The following PPP1R1C variants were observed in gnomAD, a reference collection of about 807,000 sequenced individuals.
The protein encoded by PPP1R1C is protein phosphatase 1 regulatory inhibitor subunit 1C.
PPP1R1C carries 15 observed loss-of-function variants against 17.4 expected under a neutral mutation model. The observed-to-expected ratio is 0.86, with a 90% confidence interval of 0.58 to 1.33. The LOEUF (loss-of-function observed/expected upper bound fraction) is 1.33, where lower values mean the gene tolerates loss of function less well. Among genes scored for constraint, PPP1R1C ranks in the 40% most tolerant of loss-of-function variants. The probability of loss-of-function intolerance (pLI) is 0.00; values close to 1 mark genes in which losing one functional copy is unlikely to be tolerated. For synonymous variants in PPP1R1C, 35 were observed against 43.1 expected (o/e 0.81, Z 0.73); for missense variants, 143 against 130.0 (o/e 1.10, Z -0.48).
upstream of PPP1R1C, chr2:181,985,736 A>G (rs1685279335): frequency 3.8e-6 from 1 of 265,524 alleles, no homozygotes; most frequent in Admixed American, 4.9e-5. The surrounding 1 kb of genome is among the most constrained non-coding windows in gnomAD (Gnocchi z 4.1). Flanking sequence ...TACAGTGGAT[A>G]GAGCCTTTCT....
At chr2:182,124,314 G>GTTTTTTTTTTTGTTTTTTT (rs1689812959) in intron 5 of PPP1R1C, among the ~76,000 whole-genome samples, 2 of 42,098 alleles carry the variant, frequency 4.8e-5, no homozygotes, top group African/African-American at 6.8e-5. Context: ...GTTTTTTTTT[G>GTTTTTTTTTTTGTTTTTTT]TTTTTTTTTT....
chr2:182,016,653 A>G (rs951325719), intron 2 of PPP1R1C, among the ~76,000 whole-genome samples: 6 of 152,338 alleles, frequency 3.9e-5, no homozygotes, highest in Admixed American at 2.0e-4. Context: ...TTATACAAGT[A>G]GTTATGCATA....
At chr2:182,107,832 C>A (rs1689297807) in intron 4 of PPP1R1C, among the ~76,000 whole-genome samples, 1 of 152,008 alleles carries the variant, frequency 6.6e-6, no homozygotes, top group Non-Finnish European at 1.5e-5. Flanking sequence ...TTTTGGACTC[C>A]CACCATGAGG....
At chr2:182,091,084 C>A (rs377193747) in intron 4 of PPP1R1C, among the ~76,000 whole-genome samples, 26 of 152,240 alleles carry the variant, frequency 1.7e-4, no homozygotes, top group African/African-American at 6.3e-4. Context: ...AAGGACTTTT[C>A]TTCAACCTTA....
In PPP1R1C at chr2:182,030,082, C is replaced by T. The variant is rs1686767113; in HGVS notation, c.143-31360C>T. ...GCTCCATCAGCTCCTTTAAGCACTT[C>T]TCTGTATTGGTTATTCTAGTTATAC... On this transcript the variant is annotated intron_variant, in intron 2 of 4. Transcript: ENST00000682840. Among the ~76,000 whole-genome samples, 4 of 128,634 alleles carry T rather than the reference C, an allele frequency of 3.1e-5. No individual in the cohort carries two copies. The South Asian group carries it at 1.2e-3, about 39-fold the overall frequency. 84.4% of individuals were successfully genotyped at this position (128,634 alleles called of 152,430 possible). A position where few individuals can be genotyped will look rare whatever the true frequency, so the allele number is the denominator to read the frequency against.
At chr2:181,986,984 A>G (rs1425310099) in intron 1 of PPP1R1C, among the ~76,000 whole-genome samples, 1 of 152,204 alleles carries the variant, frequency 6.6e-6, no homozygotes, top group Non-Finnish European at 1.5e-5. Context: ...AGTCTTAAAA[A>G]TAATTATTTA....
chr2:182,015,817 T>C (rs1292173618), intron 2 of PPP1R1C, among the ~76,000 whole-genome samples: 2 of 152,060 alleles, frequency 1.3e-5, no homozygotes, highest in Non-Finnish European at 2.9e-5. Context: ...TATTGTCTGC[T>C]CTTCTCAAGC....
chr2:182,101,547 T>C (rs1166218626), intron 4 of PPP1R1C, among the ~76,000 whole-genome samples: 2 of 152,168 alleles, frequency 1.3e-5, no homozygotes, highest in Non-Finnish European at 2.9e-5. Flanking sequence ...AGCAGTTTAT[T>C]TGCTTTCTGT....
At chr2:181,982,211 G>A (rs1047164713), upstream of PPP1R1C, among the ~76,000 whole-genome samples, 5 of 151,998 alleles carry the variant, frequency 3.3e-5, no homozygotes, top group African/African-American at 1.2e-4. Flanking sequence ...TAAAAAACAA[G>A]TATTGACAGT....
chr2:181,965,844 T>C (rs1238944661), intron 1 of PPP1R1C, among the ~76,000 whole-genome samples: 6 of 152,194 alleles, frequency 3.9e-5, no homozygotes, highest in African/African-American at 1.4e-4. Flanking sequence ...ATGAAGAATG[T>C]CATTGGTATT....
At chr2:182,061,601 T>G in intron 3 of PPP1R1C, 122 bp downstream of exon 3, 1 of 532,276 alleles carries the variant, frequency 1.9e-6, no homozygotes, top group Non-Finnish European at 3.2e-6. Flanking sequence ...TTGCTCCTTC[T>G]GACTGAATAA....
chr2:182,081,968 C>T (rs1688493286), intron 4 of PPP1R1C, among the ~76,000 whole-genome samples: 2 of 152,168 alleles, frequency 1.3e-5, no homozygotes, highest in African/African-American at 4.8e-5. Flanking sequence ...GTTCTGACTA[C>T]ATACCTCCCT....
At chr2:182,013,671 G>T (rs746898918) in intron 2 of PPP1R1C, among the ~76,000 whole-genome samples, 1 of 151,876 alleles carries the variant, frequency 6.6e-6, no homozygotes, top group Admixed American at 6.6e-5. Flanking sequence ...TCTTAGATTT[G>T]CCCTTTTGAG....
At chr2:182,014,900 C>G (rs1252065473) in intron 2 of PPP1R1C, among the ~76,000 whole-genome samples, 1 of 152,010 alleles carries the variant, frequency 6.6e-6, no homozygotes, top group Non-Finnish European at 1.5e-5. Context: ...CTTTAGTCAG[C>G]TTGTAGTGAA....
At chr2:181,986,228 A>T in intron 1 of PPP1R1C, 37 bp downstream of exon 1, 1 of 1,461,706 alleles carries the variant, frequency 6.8e-7, no homozygotes, top group Non-Finnish European at 9.6e-7. Flanking sequence ...TCCTGTACAT[A>T]AGGTAATATG....
chr2:182,113,936 A>T (rs554104219), intron 4 of PPP1R1C, among the ~76,000 whole-genome samples: 1 of 152,192 alleles, frequency 6.6e-6, no homozygotes, highest in Non-Finnish European at 1.5e-5. Context: ...TCACTCAGTT[A>T]CTTCACAACT....
chr2:182,046,395 A>G (rs936367653), intron 2 of PPP1R1C, among the ~76,000 whole-genome samples: 25 of 152,042 alleles, frequency 1.6e-4, no homozygotes, highest in African/African-American at 6.0e-4. Flanking sequence ...TTCAGTTTTT[A>G]TACATGAATG....
intron 5 of PPP1R1C, chr2:182,128,953 T>A (rs1416115094): frequency 1.3e-5 from 2 of 152,094 alleles, no homozygotes; most frequent in Non-Finnish European, 2.9e-5. Context: ...TGTTCTGAAG[T>A]ATTTTCTTTT....
chr2:181,964,848 G>A (rs112555363), intron 1 of PPP1R1C, among the ~76,000 whole-genome samples: 5,747 of 152,224 alleles, frequency 0.038, 353 homozygotes, highest in African/African-American at 0.13. Context: ...TGGGATTACA[G>A]CAGCCTGCCA....
Sources: allele counts gnomAD v4.1 joint callset (sites outside exome capture counted in the v4.1 genomes callset), GRCh38; gene constraint gnomAD v4.1.1; non-coding constraint Gnocchi (gnomAD v3.1); transcripts MANE v1.5; gene names NCBI Gene and HGNC (gene_info 2026-07-23, HGNC 2026-07-21).